PALLD: variants seen among roughly 807,000 people sequenced by gnomAD.
PALLD encodes the protein palladin, cytoskeletal associated protein.
In PALLD, 61 loss-of-function variants were observed where a neutral mutation model predicts 123.5. That is an observed-to-expected ratio of 0.49 (90% CI 0.40 to 0.61). The LOEUF (loss-of-function observed/expected upper bound fraction) is 0.61, where lower values mean the gene tolerates loss of function less well. PALLD is among the 20% of genes least tolerant of loss of function. The pLI is 0.00. For missense variants in PALLD, 1,273 were observed against 1,377.0 expected, an observed-to-expected ratio of 0.92 and a Z score of 1.20; for synonymous variants, 465 against 496.4, an observed-to-expected ratio of 0.94 and a Z score of 0.84.
In PALLD at chr4:168,711,723, C is replaced by A; in HGVS notation, c.1764C>A (p.Asn588Lys). 6.2e-7 allele frequency: 1 copy of A among 1,614,200 alleles called. No homozygotes were observed. Among genetic ancestry groups the A allele is most frequent in the Non-Finnish European group, 8.5e-7 (1 of 1,180,038 alleles). The change falls in exon 10 of 22, where the codon AAC (asparagine) becomes AAA (lysine). Residue 588 changes from asparagine (N) to lysine (K), a missense_variant. Around this residue, in one of 2 missense-constraint regions of PALLD, gnomAD observed 944 missense variants for 954.5 expected, o/e 0.99. Coordinates refer to ENST00000505667, the MANE Select transcript of PALLD (RefSeq NM_001166108.2). The part of the protein sequence containing the change: ...SKKPSEIQQV[N>K]NPELGLSRAA... The stretch of plus-strand genomic sequence containing the variant: ...AACCATCTGAGATCCAGCAGGTGAA[C>A]AACCCTGAGTTAGGCCTGAGCAGGG...
At chr4:168,612,065 T>G (rs1433937308) in intron 2 of PALLD, among the ~76,000 whole-genome samples, 2 of 152,032 alleles carry the variant, frequency 1.3e-5, no homozygotes, top group Non-Finnish European at 2.9e-5. Flanking sequence ...GAAGCTGAAG[T>G]GGGAGGACCA....
At chr4:168,702,890 A>T (rs538765116) in intron 8 of PALLD, among the ~76,000 whole-genome samples, 64 of 133,442 alleles carry the variant, frequency 4.8e-4, no homozygotes, top group African/African-American at 1.3e-3. Context: ...TTATTTATTT[A>T]TTTTATTTAT....
At chr4:168,919,416 T>C (rs1477922659) in intron 17 of PALLD, among the ~76,000 whole-genome samples, 1 of 151,578 alleles carries the variant, frequency 6.6e-6, no homozygotes, top group African/African-American at 2.4e-5. Context: ...TCCCAGCTAC[T>C]CAGGAGGCTG....
chr4:168,802,741 A>G (rs1739537486), intron 10 of PALLD, among the ~76,000 whole-genome samples: 1 of 151,840 alleles, frequency 6.6e-6, no homozygotes, highest in Non-Finnish European at 1.5e-5. Flanking sequence ...CCCAGGCTGG[A>G]GTGCAATGGC....
intron 10 of PALLD, among the ~76,000 whole-genome samples, chr4:168,887,116 C>CAAAAAA (rs755173931): frequency 1.4e-4 from 13 of 94,488 alleles, no homozygotes; most frequent in South Asian, 4.5e-4. Flanking sequence ...GACTCTGTCT[C>CAAAAAA]AAAAAAAAAA....
chr4:168,633,687 A>G (rs991975996), intron 2 of PALLD, among the ~76,000 whole-genome samples: 3 of 152,246 alleles, frequency 2.0e-5, no homozygotes, highest in African/African-American at 7.2e-5. Context: ...AGAAACTACA[A>G]GAGACTTTTT....
At position 168,877,906 on chromosome 4, in the gene PALLD, C is replaced by T. The variant is rs561750970; in HGVS notation, c.1965-13016C>T. ...CCCCGGAGCCCATGAGCGCGCTGGC[C>T]TCCCGCTCCGCCCCCGCCATGCAGT... On this transcript the variant is annotated intron_variant, in intron 10 of 21. Transcript: ENST00000505667. The T allele has an allele frequency of 8.0e-5, 119 of 1,479,572 alleles. No individual in the cohort carries two copies. The East Asian group carries it at 2.7e-3, about 33-fold the overall frequency. The allele number at this position is 1,479,572 out of a possible 1,614,324, so 91.7% of individuals were successfully genotyped here. A position where few individuals can be genotyped will look rare whatever the true frequency, so the allele number is the denominator to read the frequency against.
intron 10 of PALLD, among the ~76,000 whole-genome samples, chr4:168,773,158 A>T (rs1734683702): frequency 6.6e-6 from 1 of 152,202 alleles, no homozygotes; most frequent in South Asian, 2.1e-4. Context: ...TACCTGTTTG[A>T]AATTATATTG....
At chr4:168,858,078 T>C (rs1581786849) in intron 10 of PALLD, among the ~76,000 whole-genome samples, 3 of 152,354 alleles carry the variant, frequency 2.0e-5, no homozygotes, top group Admixed American at 2.0e-4. Context: ...AAACTCTGAT[T>C]ATTTAGAGCA....
intron 10 of PALLD, among the ~76,000 whole-genome samples, chr4:168,879,410 AC>A (rs1266667273): frequency 8.5e-5 from 13 of 152,196 alleles, no homozygotes; most frequent in African/African-American, 3.1e-4. Flanking sequence ...TTAAGCCAGC[AC>A]CCATATCTCA....
chr4:168,503,138 G>A (rs573028260), intron 1 of PALLD, among the ~76,000 whole-genome samples: 34 of 152,254 alleles, frequency 2.2e-4, no homozygotes, highest in Middle Eastern at 3.4e-3. Context: ...ATACAAAGAC[G>A]CCAGTCACAG....
chr4:168,703,696 A>G (rs1340511119), intron 8 of PALLD, among the ~76,000 whole-genome samples: 3 of 142,080 alleles, frequency 2.1e-5, no homozygotes, highest in African/African-American at 8.5e-5. Context: ...TTTTGGCTGC[A>G]TAAATGTCTT....
intron 3 of PALLD, among the ~76,000 whole-genome samples, chr4:168,677,716 A>T (rs1384834182): frequency 6.6e-6 from 1 of 151,924 alleles, no homozygotes; most frequent in African/African-American, 2.4e-5. Context: ...GCTTTTCCTC[A>T]GGGTTTCTCA....
At chr4:168,873,684 A>G (rs192781436) in intron 10 of PALLD, among the ~76,000 whole-genome samples, 19 of 152,350 alleles carry the variant, frequency 1.2e-4, no homozygotes, top group Admixed American at 3.3e-4. Flanking sequence ...TGAGCACTCT[A>G]TAGAGAATGA....
chr4:168,871,629 T>C (rs527770949), intron 10 of PALLD, among the ~76,000 whole-genome samples: 11 of 152,340 alleles, frequency 7.2e-5, no homozygotes, highest in Middle Eastern at 3.4e-3. Flanking sequence ...TCAACTAATA[T>C]CTTCCTGCTG....
chr4:168,854,904 C>T lies in PALLD; in HGVS notation c.1965-36018C>T, dbSNP rs531192335. Among the ~76,000 whole-genome samples the T allele has an allele frequency of 1.2e-4, 18 of 152,266 alleles. No homozygotes were observed. In the South Asian group the frequency reaches 2.9e-3, roughly 25 times the overall value. On this transcript the variant is annotated intron_variant, in intron 10 of 21. Transcript: ENST00000505667. ...GTACTTGTAGGACTGTAATTGGGTC[C>T]GTCTGTGCTGAGCACAACAATAAAA...
At chr4:168,797,235 C>T (rs556153553) in intron 10 of PALLD, among the ~76,000 whole-genome samples, 4 of 151,758 alleles carry the variant, frequency 2.6e-5, no homozygotes, top group African/African-American at 9.7e-5. Flanking sequence ...CTGATGCTTT[C>T]GAATGTTCAT....
intron 5 of PALLD, among the ~76,000 whole-genome samples, chr4:168,684,981 T>C (rs1046671525): frequency 1.3e-5 from 2 of 152,260 alleles, no homozygotes; most frequent in African/African-American, 4.8e-5. Context: ...TTAGCACGTT[T>C]CTTTTTTGCA....
intron 10 of PALLD, among the ~76,000 whole-genome samples, chr4:168,778,450 T>C (rs986779315): frequency 2.6e-5 from 4 of 152,174 alleles, no homozygotes; most frequent in Non-Finnish European, 4.4e-5. Flanking sequence ...TAAATTTTAA[T>C]AAAGTAGAGG....
Sources: allele counts gnomAD v4.1 joint callset (sites outside exome capture counted in the v4.1 genomes callset), GRCh38; gene constraint gnomAD v4.1.1; regional missense constraint gnomAD v4.1.1; transcripts MANE v1.5; gene names NCBI Gene and HGNC (gene_info 2026-07-23, HGNC 2026-07-21).